NUP205: variants seen among roughly 807,000 people sequenced by gnomAD.
NUP205 encodes nuclear pore complex protein Nup205.
Under a neutral mutation model 253.8 loss-of-function variants are expected in NUP205, and 76 were observed. The ratio of observed to expected loss-of-function variants is 0.30; its 90% CI spans 0.25 to 0.36. The LOEUF (loss-of-function observed/expected upper bound fraction) is 0.36. Among genes scored for constraint, NUP205 ranks in the 10% least tolerant of loss-of-function variants. The probability of loss-of-function intolerance (pLI) is 1.00; values close to 1 mark genes in which losing one functional copy is unlikely to be tolerated. For missense variants in NUP205, 2,162 were observed against 2,425.5 expected, an observed-to-expected ratio of 0.89 and a Z score of 2.28; for synonymous variants, 832 against 850.1, an observed-to-expected ratio of 0.98 and a Z score of 0.37.
intron 35 of NUP205, among the ~76,000 whole-genome samples, chr7:135,631,740 C>T (rs200153513): frequency 2.4e-4 from 27 of 114,790 alleles, no homozygotes; most frequent in Middle Eastern, 5.6e-3. Context: ...TTTTTTTTTT[C>T]TTTCTTTCTT....
chr7:135,592,270 G>C (rs1207478752), intron 11 of NUP205, among the ~76,000 whole-genome samples: 2 of 152,196 alleles, frequency 1.3e-5, no homozygotes, highest in East Asian at 3.8e-4. Flanking sequence ...CAATGGAGTA[G>C]TGTAATTCCC....
At chr7:135,622,709 G>A (rs1794499895) in intron 30 of NUP205, 68 bp from the exon 31 acceptor site, 16 of 1,325,904 alleles carry the variant, frequency 1.2e-5, no homozygotes, top group Non-Finnish European at 1.7e-5. Flanking sequence ...CCTAGCATGT[G>A]AGGTATAATT....
At position 135,576,303 on chromosome 7, in the gene NUP205, C is replaced by T. The variant is rs750956707; in HGVS notation, c.377C>T (p.Thr126Ile). ...CAACAGCCACATTTTCCTGGCCTTA[C>T]CAGAGGATTAGTAGCTGTTCTTCTG... Reference protein sequence around the residue: ...EHQQPHFPGLTRGLVAVLLYW... With the variant: ...EHQQPHFPGLIRGLVAVLLYW... Residue 126 changes from threonine to isoleucine, a missense_variant, in exon 4 of 43, where the codon ACC becomes ATC. By Grantham distance (89) the Thr-to-Ile change is moderately conservative. Coordinates refer to ENST00000285968, the MANE Select transcript of NUP205 (RefSeq NM_015135.3). 5 of 1,613,598 alleles carry T rather than the reference C, an allele frequency of 3.1e-6. No individual in the cohort carries two copies. The highest frequency in any genetic ancestry group is 3.4e-6 in the Non-Finnish European group (4 of 1,179,662).
At chr7:135,570,083 A>AGAGAGAGT (rs1554456272) in intron 1 of NUP205, among the ~76,000 whole-genome samples, 112 of 149,258 alleles carry the variant, frequency 7.5e-4, no homozygotes, top group African/African-American at 2.3e-3. Flanking sequence ...AGAGAGAGAG[A>AGAGAGAGT]GAGAGAGAGA....
In NUP205 at chr7:135,577,050, G is replaced by C. The variant is rs144495213; in HGVS notation, c.570G>C (p.Val190=). 6.2e-7 allele frequency: 1 copy of C among 1,613,892 alleles called. No individual in the cohort carries two copies. Among genetic ancestry groups the C allele is most frequent in the African/African-American group, 1.3e-5 (1 of 74,928 alleles). ...QGLTYKVLTL[V]SQIDVNNEFE... ...TGACTTATAAAGTTCTTACGCTGGT[G>C]TCACAGATTGATGTGAATAATGAGT... The change falls in exon 5 of 43, where the codon GTG becomes GTC. Residue 190 remains valine, a synonymous_variant. Coordinates refer to ENST00000285968, the MANE Select transcript of NUP205 (RefSeq NM_015135.3).
At chr7:135,637,891 A>G in intron 36 of NUP205, 40 bp from the exon 37 acceptor site, 1 of 1,569,624 alleles carries the variant, frequency 6.4e-7, no homozygotes, top group Non-Finnish European at 8.6e-7. Flanking sequence ...AGAGGTTACT[A>G]ATTTTAAATA....
rs1042877498 is a variant in NUP205 at position 135,622,847 on chromosome 7, A to T, written c.4401A>T (p.Ile1467=). The change falls in exon 31 of 43, where the codon ATA becomes ATT. Residue 1467 remains isoleucine, a synonymous_variant. Transcript: ENST00000285968. ...DVFSKLQREN[I]AIIESYGAAL... is the part of the protein sequence containing the mutation. ...TTAGCAAATTACAGCGAGAAAACAT[A>T]GCCATTATTGAAAGTTATGGCGCCG... The T allele has an allele frequency of 1.9e-6, 3 of 1,613,996 alleles. No homozygotes were observed. Among genetic ancestry groups the T allele is most frequent in the Non-Finnish European group, 2.5e-6 (3 of 1,179,952 alleles).
At chr7:135,631,089 G>C (rs1489274641) in intron 35 of NUP205, among the ~76,000 whole-genome samples, 1 of 150,598 alleles carries the variant, frequency 6.6e-6, no homozygotes, top group Non-Finnish European at 1.5e-5. Context: ...GAAAGGGAGG[G>C]GGAGAGAGAG....
At chr7:135,577,748 G>A (rs1806190170) in intron 5 of NUP205, 48 bp from the exon 6 acceptor site, 1 of 1,398,700 alleles carries the variant, frequency 7.1e-7, no homozygotes, top group African/African-American at 1.4e-5. Flanking sequence ...AATAAGACCA[G>A]GCTTCACTGT....
At chr7:135,574,262 T>C (rs559293612) in intron 3 of NUP205, among the ~76,000 whole-genome samples, 6 of 152,294 alleles carry the variant, frequency 3.9e-5, no homozygotes, top group African/African-American at 1.2e-4. Flanking sequence ...AGGTCACCAC[T>C]TTTTTGGAAT....
intron 18 of NUP205, 145 bp from the exon 19 acceptor site, chr7:135,604,195 C>A: frequency 1.7e-6 from 1 of 587,170 alleles, no homozygotes; most frequent in Non-Finnish European, 2.8e-6. Flanking sequence ...CAGACTGCAT[C>A]TATTTAGAAG....
chr7:135,603,406 C>A (rs1469740045), intron 18 of NUP205, among the ~76,000 whole-genome samples: 1 of 151,876 alleles, frequency 6.6e-6, no homozygotes, highest in Non-Finnish European at 1.5e-5. Flanking sequence ...AACCACCGCG[C>A]CCAGCCTTAT....
rs2129490151 is a variant in NUP205 at position 135,587,893 on chromosome 7, G to T, written c.1374G>T (p.Glu458Asp). Residue 458 changes from glutamate (E) to aspartate (D), a missense_variant, in exon 10 of 43, where the codon GAG (glutamate) becomes GAT (aspartate). Coordinates refer to ENST00000285968, the MANE Select transcript of NUP205 (RefSeq NM_015135.3). ...ELYKKNPFHLELALEYWCPTE... is the reference protein window; with the variant it reads ...ELYKKNPFHLDLALEYWCPTE... ...ATAAAAAGAACCCTTTTCATCTGGA[G>T]CTTGCTCTAGAATATTGGTGTCCCA... The T allele has an allele frequency of 1.9e-6, 3 of 1,613,880 alleles. No homozygotes were observed. The East Asian group carries it at 6.7e-5, about 36-fold the overall frequency.
intron 22 of NUP205, among the ~76,000 whole-genome samples, chr7:135,607,868 C>G (rs1047343249): frequency 4.7e-5 from 7 of 148,928 alleles, no homozygotes; most frequent in African/African-American, 1.7e-4. Flanking sequence ...GTGGTGTGAT[C>G]ACAGCTCATT....
chr7:135,625,114 G>T (rs1794556762), intron 31 of NUP205, 50 bp from the exon 32 acceptor site: 2 of 1,406,094 alleles, frequency 1.4e-6, no homozygotes, highest in South Asian at 1.3e-5. Context: ...TACTGTTGTT[G>T]ATTTTGGTAG....
chr7:135,595,138 A>G (rs1038648890), intron 13 of NUP205, among the ~76,000 whole-genome samples: 1 of 152,018 alleles, frequency 6.6e-6, no homozygotes. Context: ...AGAAGAGTGA[A>G]GTATCTCTGT....
In NUP205 at chr7:135,602,941, G is replaced by T. The variant is rs765805054; in HGVS notation, c.2649G>T (p.Leu883Phe). Reference protein sequence around the residue: ...ALIVCPLEQLLQGINPRTKKA... With the variant: ...ALIVCPLEQLFQGINPRTKKA... ...TAGTCTGTCCTTTAGAACAGCTTTT[G>T]CAGGGAATTAATCCCAGAACTAAGA... Residue 883 changes from leucine (L) to phenylalanine (F), a missense_variant, in exon 18 of 43, where the codon TTG (leucine) becomes TTT (phenylalanine). Physicochemically the swap from Leu to Phe is conservative, Grantham distance 22. Around this residue, in one of 5 missense-constraint regions of NUP205, gnomAD observed 892 missense variants for 957.1 expected, o/e 0.93. Coordinates refer to ENST00000285968, the MANE Select transcript of NUP205 (RefSeq NM_015135.3). 9 of 1,613,804 alleles carry T rather than the reference G, an allele frequency of 5.6e-6. No individual in the cohort carries two copies. Among genetic ancestry groups the T allele is most frequent in the Non-Finnish European group, 6.8e-6 (8 of 1,179,946 alleles).
intron 10 of NUP205, among the ~76,000 whole-genome samples, chr7:135,589,780 A>G (rs1806574762): frequency 1.3e-5 from 2 of 151,028 alleles, no homozygotes; most frequent in Admixed American, 1.3e-4. Context: ...AAATATTTTA[A>G]AAATTAGCCA....
In NUP205 at chr7:135,607,307, C is replaced by T. The variant is rs540996642; in HGVS notation, c.3131C>T (p.Thr1044Met). The T allele has an allele frequency of 1.9e-5, 31 of 1,613,904 alleles. 1 individual carries two copies. The East Asian group carries it at 4.0e-4, about 21-fold the overall frequency. Residue 1044 changes from threonine to methionine, a missense_variant, in exon 22 of 43, where the codon ACG (threonine) becomes ATG (methionine). Transcript: ENST00000285968. ...HAILNILEKG[T>M]EGRTGPVAVR... ...ATTCTAAACATCTTGGAGAAAGGAACGGAAGGGAGAACAGGCCCAGTGGCG... is the reference window on the plus strand; with the variant it reads ...ATTCTAAACATCTTGGAGAAAGGAATGGAAGGGAGAACAGGCCCAGTGGCG...
Sources: allele counts gnomAD v4.1 joint callset (sites outside exome capture counted in the v4.1 genomes callset), GRCh38; gene constraint gnomAD v4.1.1; regional missense constraint gnomAD v4.1.1; transcripts MANE v1.5; gene names NCBI Gene and HGNC (gene_info 2026-07-23, HGNC 2026-07-21).